Variants in TMEM98 observed in about 807,000 individuals in gnomAD.
TMEM98 encodes transmembrane protein 98.
TMEM98 carries 18 observed loss-of-function variants against 25.0 expected under a neutral mutation model. The ratio of observed to expected loss-of-function variants is 0.72; its 90% CI spans 0.50 to 1.07. The LOEUF is 1.07. Among genes scored for constraint, TMEM98 ranks in the 50% least tolerant of loss-of-function variants. The pLI is 0.00. For missense variants in TMEM98, 241 were observed against 289.0 expected (o/e 0.83, Z 1.20); for synonymous variants, 103 against 112.4 (o/e 0.92, Z 0.53).
At chr17:32,930,217 A>G (rs1405086950) in intron 1 of TMEM98, among the ~76,000 whole-genome samples, 1 of 152,176 alleles carries the variant, frequency 6.6e-6, no homozygotes, top group Non-Finnish European at 1.5e-5. Flanking sequence ...CTACAATGAA[A>G]TAACAGTGAA....
At chr17:32,938,356 C>T (rs188228587) in intron 6 of TMEM98, among the ~76,000 whole-genome samples, 268 of 152,260 alleles carry the variant, frequency 1.8e-3, no homozygotes, top group African/African-American at 6.2e-3. Context: ...CTGAGATAGG[C>T]GCGGAGGGTG....
At position 32,931,585 on chromosome 17, in the gene TMEM98, G is replaced by T. The variant is rs59203084; in HGVS notation, c.57G>T (p.Ser19=). 2.5e-6 allele frequency: 4 copies of T among 1,604,498 alleles called. No homozygotes were observed. The highest frequency in any genetic ancestry group is 3.4e-6 in the Non-Finnish European group (4 of 1,175,832). The change falls in exon 3 of 8, where the codon TCG becomes TCT. Residue 19 remains serine, a synonymous_variant. Transcript: ENST00000579849. Reference sequence around the variant, plus strand: ...TGCTGGCCACCATCTTTCTGGCTTCGTTTGCAGCCTTGGTGCTGGTTTGCA... The same window carrying T: ...TGCTGGCCACCATCTTTCTGGCTTCTTTTGCAGCCTTGGTGCTGGTTTGCA... ...IGVLATIFLA[S]FAALVLVCRQ...
chr17:32,934,687 C>G (rs1341980575), intron 5 of TMEM98, among the ~76,000 whole-genome samples: 4 of 152,200 alleles, frequency 2.6e-5, no homozygotes, highest in African/African-American at 9.7e-5. Flanking sequence ...CTCATTTTCA[C>G]TAACAGAGAG....
chr17:32,941,122 G>A lies in TMEM98; in HGVS notation c.*129G>A. The A allele has an allele frequency of 1.2e-6, 1 of 816,356 alleles. No homozygotes were observed. The highest frequency in any genetic ancestry group is 1.9e-6 in the Non-Finnish European group (1 of 535,012). 50.6% of individuals were successfully genotyped at this position (816,356 alleles called of 1,614,324 possible). ...TGGAGAGTTCAGCTGTGTGTGCATA[G>A]TAAAGCAGGAGATCCCCGTCAGTTT... is the stretch of plus-strand genomic sequence containing the variant. On this transcript the variant is annotated 3_prime_UTR_variant, in exon 8 of 8. Transcript: ENST00000579849.
chr17:32,931,744 C>T lies in TMEM98; in HGVS notation c.131+85C>T, dbSNP rs2091470986. Reference sequence around the variant, plus strand: ...GAACACGTAGTTCAGTGTTGGGCAACTCTAACTCAGCTTTTTGGTTCTAAA... The same window carrying T: ...GAACACGTAGTTCAGTGTTGGGCAATTCTAACTCAGCTTTTTGGTTCTAAA... On this transcript the variant is annotated intron_variant, in intron 3 of 7. Coordinates refer to ENST00000579849, the MANE Select transcript of TMEM98 (RefSeq NM_015544.3). 3.3e-6 allele frequency: 5 copies of T among 1,495,972 alleles called. No individual in the cohort carries two copies. The East Asian group carries it at 1.2e-4, about 36-fold the overall frequency. 92.7% of individuals were successfully genotyped at this position (1,495,972 alleles called of 1,614,324 possible). A position where few individuals can be genotyped will look rare whatever the true frequency, so the allele number is the denominator to read the frequency against.
At chr17:32,929,686 C>T (rs1436354802) in intron 1 of TMEM98, among the ~76,000 whole-genome samples, 2 of 152,032 alleles carry the variant, frequency 1.3e-5, no homozygotes, top group African/African-American at 4.8e-5. Flanking sequence ...CCAGTGAGCT[C>T]GAGATGGGAG....
At chr17:32,934,175 A>T in intron 4 of TMEM98, 116 bp from the exon 5 acceptor site, 1 of 1,106,068 alleles carries the variant, frequency 9.0e-7, no homozygotes, top group Non-Finnish European at 1.4e-6. Flanking sequence ...TCCCACTCTC[A>T]GTGGTTGGTA....
chr17:32,929,655 C>T (rs962916875), intron 1 of TMEM98, among the ~76,000 whole-genome samples: 1 of 152,118 alleles, frequency 6.6e-6, no homozygotes, highest in Non-Finnish European at 1.5e-5. Context: ...AGGCAGATGC[C>T]AGCCTTCTCC....
rs756215423 is a variant in TMEM98, at chr17:32,940,913, C to T, written c.601C>T (p.Arg201Ter). 1.2e-6 allele frequency: 2 copies of T among 1,614,164 alleles called. No individual in the cohort carries two copies. Among genetic ancestry groups the T allele is most frequent in the Non-Finnish European group, 1.7e-6 (2 of 1,180,016 alleles). The change falls in exon 8 of 8, where the codon CGA becomes TGA. Residue 201 changes from arginine to a stop codon, truncating the protein, a stop_gained. Transcript: ENST00000579849. LOFTEE classifies it high-confidence loss of function. ...TGCTGAGGAGCATTTGGAAGTCCTT[C>T]GAGAAGCAGCCCTAGCTTCTGAGCC... ...SAAEEHLEVL[R>*]EAALASEPDK...
chr17:32,928,578 A>G (rs1458071807), intron 1 of TMEM98, among the ~76,000 whole-genome samples: 3 of 151,920 alleles, frequency 2.0e-5, no homozygotes, highest in Non-Finnish European at 4.4e-5. Context: ...AGGGAGAGAG[A>G]AAGAGACGGA....
chr17:32,932,742 A>G (rs756087444), intron 3 of TMEM98, among the ~76,000 whole-genome samples: 15 of 152,296 alleles, frequency 9.8e-5, no homozygotes, highest in Non-Finnish European at 1.9e-4. Flanking sequence ...AGTGGTTCAC[A>G]AGAGTTATTC....
At position 32,940,950 on chromosome 17, in the gene TMEM98, T is replaced by C. The variant is rs1418950345; in HGVS notation, c.638T>C (p.Leu213Pro). The C allele has an allele frequency of 6.2e-7, 1 of 1,613,478 alleles. No homozygotes were observed. The highest frequency in any genetic ancestry group is 1.3e-5 in the African/African-American group (1 of 74,930). Residue 213 changes from leucine (L) to proline (P), a missense_variant, in exon 8 of 8, where the codon CTC (leucine) becomes CCC (proline). Transcript: ENST00000579849. Reference sequence around the variant, plus strand: ...CTAGCTTCTGAGCCAGATAAAGGCCTCCCAGGCCCTGAAGGCTTCCTGCAG... The same window carrying C: ...CTAGCTTCTGAGCCAGATAAAGGCCCCCCAGGCCCTGAAGGCTTCCTGCAG... ...AALASEPDKG[L>P]PGPEGFLQEQ...
rs780762932 is a variant in TMEM98, at chr17:32,941,128, C to A, written c.*135C>A. 2.6e-6 allele frequency: 2 copies of A among 763,590 alleles called. No individual in the cohort carries two copies. Among genetic ancestry groups the A allele is most frequent in the Non-Finnish European group, 4.1e-6 (2 of 488,504 alleles). The allele number at this position is 763,590 out of a possible 1,614,324, so 47.3% of individuals were successfully genotyped here. A position where few individuals can be genotyped will look rare whatever the true frequency, so the allele number is the denominator to read the frequency against. ...GTTCAGCTGTGTGTGCATAGTAAAG[C>A]AGGAGATCCCCGTCAGTTTATGCCT... On this transcript the variant is annotated 3_prime_UTR_variant, in exon 8 of 8. Transcript: ENST00000579849.
chr17:32,935,346 TCTC>T (rs2091490613), intron 5 of TMEM98, among the ~76,000 whole-genome samples: 1 of 152,162 alleles, frequency 6.6e-6, no homozygotes, highest in Non-Finnish European at 1.5e-5. Flanking sequence ...ACATTTCCCT[TCTC>T]CTGGCCAAGA....
At chr17:32,937,344 C>T (rs1205142289) in intron 6 of TMEM98, among the ~76,000 whole-genome samples, 3 of 152,208 alleles carry the variant, frequency 2.0e-5, no homozygotes, top group Non-Finnish European at 4.4e-5. Flanking sequence ...CGACCAGTTT[C>T]CTGAGTTGCC....
At position 32,943,502 on chromosome 17, in the gene TMEM98, GTC is replaced by G. The variant is rs1472568463; in HGVS notation, c.*2515_*2516del. ...CATGGTAGTAGAGCCTTCCTTCCAT[GTC>G]TCTCTTCCCTCTGGCCTGGAATAGG... On this transcript the variant is annotated 3_prime_UTR_variant, in exon 8 of 8. Transcript: ENST00000579849. 2.0e-5 allele frequency: 3 copies of G among 152,156 alleles called. No homozygotes were observed. The highest frequency in any genetic ancestry group is 7.2e-5 in the African/African-American group (3 of 41,418). The allele number at this position is 152,156 out of a possible 1,614,324, so 9.4% of individuals were successfully genotyped here. A position where few individuals can be genotyped will look rare whatever the true frequency, so the allele number is the denominator to read the frequency against.
intron 1 of TMEM98, among the ~76,000 whole-genome samples, chr17:32,929,285 G>A (rs1473734878): frequency 6.7e-6 from 1 of 150,236 alleles, no homozygotes; most frequent in East Asian, 2.0e-4. Context: ...AACACACACG[G>A]AGAAACACAC....
chr17:32,940,981 G>C lies in TMEM98; in HGVS notation c.669G>C (p.Gln223His), dbSNP rs747416821. The stretch of plus-strand genomic sequence containing the variant: ...GCCCTGAAGGCTTCCTGCAGGAGCA[G>C]TCTGCAATTTAGTGCCTACAGGCCA... ...LPGPEGFLQE[Q>H]SAI The change falls in exon 8 of 8, where the codon CAG becomes CAC. Residue 223 changes from glutamine (Q) to histidine (H), a missense_variant. By Grantham distance (24) the Gln-to-His change is conservative (BLOSUM62 0). Coordinates refer to ENST00000579849, the MANE Select transcript of TMEM98 (RefSeq NM_015544.3). 4.4e-6 allele frequency: 7 copies of C among 1,608,208 alleles called. No homozygotes were observed. The highest frequency in any genetic ancestry group is 3.4e-6 in the Non-Finnish European group (4 of 1,177,606).
intron 1 of TMEM98, among the ~76,000 whole-genome samples, chr17:32,929,059 CACTCAGAA>C (rs1046294574): frequency 1.4e-5 from 2 of 147,974 alleles, no homozygotes; most frequent in African/African-American, 5.3e-5. Context: ...AGCTCACACA[CACTCAGAA>C]ACATACTCTG....
Sources: gnomAD v4.1 joint callset for allele counts (sites outside exome capture counted in the v4.1 genomes callset) on GRCh38, gnomAD v4.1.1 for gene constraint, MANE v1.5 for transcripts, NCBI Gene and HGNC (gene_info 2026-07-23, HGNC 2026-07-21) for gene names.